DMD: variants seen among roughly 807,000 people sequenced by gnomAD.
DMD encodes mutant dystrophin.
Under a neutral mutation model 330.1 loss-of-function variants are expected in DMD, and 63 were observed. The ratio of observed to expected loss-of-function variants is 0.19; its 90% confidence interval spans 0.16 to 0.24. The LOEUF is 0.24. Among genes scored for constraint, DMD ranks in the 10% least tolerant of loss-of-function variants. The pLI is 1.00. For missense variants in DMD, 3,344 were observed against 2,684.1 expected (o/e 1.25, Z -5.43); for synonymous variants, 1,223 against 959.8 (o/e 1.27, Z -5.07).
At chrX:31,664,183 T>C (rs1415388232) in intron 53 of DMD, among the ~76,000 whole-genome samples, 2 of 111,199 alleles carry the variant, frequency 1.8e-5, no homozygotes, top group East Asian at 5.7e-4. Context: ...ACTTCACCAT[T>C]ACCTTAAGAC....
intron 1 of DMD, among the ~76,000 whole-genome samples, chrX:33,024,271 T>A (rs2093960880): frequency 8.9e-6 from 1 of 112,406 alleles, no homozygotes; most frequent in African/African-American, 3.2e-5. Flanking sequence ...GTTTAGTCAT[T>A]TCAAGCAGCA....
At position 32,614,335 on chromosome X, in the gene DMD, C is replaced by T. The variant is rs1175003732; in HGVS notation, c.1450G>A (p.Glu484Lys). 1 of 1,208,634 alleles carries T rather than the reference C, an allele frequency of 8.3e-7. No individual in the cohort carries two copies. Among genetic ancestry groups the T allele is most frequent in the African/African-American group, 1.7e-5 (1 of 57,351 alleles). ...TGTTGTACTTGGCGTTTTAGGTCTT[C>T]AAGATCAGGTCCAAGAGGCTCTTCC... ...MEEEPLGPDL[E>K]DLKRQVQQHK... Residue 484 changes from glutamate (E) to lysine (K), a missense_variant, in exon 12 of 79, where the codon GAA (glutamate) becomes AAA (lysine). Transcript: ENST00000357033.
chrX:32,464,579 A>C lies in DMD; in HGVS notation c.3276+7T>G. The C allele has an allele frequency of 8.6e-7, 1 of 1,156,893 alleles. No individual in the cohort carries two copies. The highest frequency in any genetic ancestry group is 1.2e-6 in the Non-Finnish European group (1 of 845,505). On this transcript the variant is annotated splice_region_variant and intron_variant, in intron 24 of 78. Transcript: ENST00000357033. ...TTCATATTAAAGGCATCATATAAAA[A>C]TCTTACTCTGCACTGTTTCAGCTGC...
intron 21 of DMD, among the ~76,000 whole-genome samples, chrX:32,474,057 A>G (rs965170693): frequency 1.4e-4 from 16 of 111,121 alleles, no homozygotes; most frequent in African/African-American, 4.3e-4. Context: ...TATCTCCCAC[A>G]TATCAGTGAG....
intron 17 of DMD, among the ~76,000 whole-genome samples, chrX:32,542,414 A>G (rs979097813): frequency 8.9e-6 from 1 of 112,016 alleles, no homozygotes; most frequent in African/African-American, 3.2e-5. Flanking sequence ...CCTGGGTGAC[A>G]GAGCAAGACA....
At chrX:31,185,290 T>C (rs1054650482) in intron 67 of DMD, among the ~76,000 whole-genome samples, 1 of 110,946 alleles carries the variant, frequency 9.0e-6, no homozygotes, top group Non-Finnish European at 1.9e-5. Context: ...CTCTTCTCCA[T>C]TCCCTCTCCA....
chrX:32,781,868 G>A lies in DMD; in HGVS notation c.649+27625C>T, dbSNP rs1414701189. Among the ~76,000 whole-genome samples the A allele has an allele frequency of 2.4e-4, 27 of 110,997 alleles. No individual in the cohort carries two copies. In the Admixed American group the frequency reaches 2.6e-3, roughly 11 times the overall value. On this transcript the variant is annotated intron_variant, in intron 7 of 78. Transcript: ENST00000357033. Reference sequence around the variant, plus strand: ...AAGAACATTTGAGTCACCTTTAAGAGACATAAATTACATGTTCACTCCACT... The same window carrying A: ...AAGAACATTTGAGTCACCTTTAAGAAACATAAATTACATGTTCACTCCACT...
chrX:32,994,909 C>T (rs76709151), intron 2 of DMD, among the ~76,000 whole-genome samples: 2,973 of 112,015 alleles, frequency 0.027, 73 homozygotes, highest in East Asian at 0.18. Flanking sequence ...GCTATGGAGT[C>T]TGAGACCAGC....
intron 47 of DMD, among the ~76,000 whole-genome samples, chrX:31,925,732 C>T (rs1013979869): frequency 9.1e-5 from 10 of 109,543 alleles, no homozygotes; most frequent in African/African-American, 1.7e-4. Flanking sequence ...ATTAGCCAGG[C>T]GTGGTGGTGC....
At chrX:32,855,523 A>C (rs1323527829) in intron 2 of DMD, among the ~76,000 whole-genome samples, 1 of 112,086 alleles carries the variant, frequency 8.9e-6, no homozygotes, top group Non-Finnish European at 1.9e-5. Context: ...ACCTAAAGTA[A>C]ACTCATTTTT....
intron 2 of DMD, among the ~76,000 whole-genome samples, chrX:32,940,161 C>T (rs182821024): frequency 3.3e-3 from 368 of 111,775 alleles, no homozygotes; most frequent in Non-Finnish European, 4.6e-3. Context: ...CATGGTATAA[C>T]GTTTCAGTTA....
chrX:33,203,275 T>A (rs2051383422), intron 1 of DMD, among the ~76,000 whole-genome samples: 1 of 112,165 alleles, frequency 8.9e-6, no homozygotes, highest in African/African-American at 3.2e-5. Flanking sequence ...ACTCAACAAT[T>A]CTGACTGAGC....
intron 2 of DMD, among the ~76,000 whole-genome samples, chrX:32,891,922 G>A (rs1260546920): frequency 3.6e-5 from 4 of 110,832 alleles, no homozygotes; most frequent in Admixed American, 9.6e-5. Flanking sequence ...CCATCCTCTC[G>A]CGTCATAGTT....
At chrX:31,733,538 C>T (rs1364168420) in intron 51 of DMD, among the ~76,000 whole-genome samples, 1 of 111,418 alleles carries the variant, frequency 9.0e-6, no homozygotes, top group Non-Finnish European at 1.9e-5. Flanking sequence ...TGAAATGTAA[C>T]AATGTAGAAC....
At position 32,693,278 on chromosome X, in the gene DMD, AC is replaced by A. The variant is rs1302983049; in HGVS notation, c.960+4591del. 3.6e-5 allele frequency among the ~76,000 whole-genome samples: 4 copies of A among 112,317 alleles called. No homozygotes were observed. The East Asian group carries it at 1.1e-3, about 31-fold the overall frequency. On this transcript the variant is annotated intron_variant, in intron 9 of 78. Coordinates refer to ENST00000357033, the MANE Select transcript of DMD (RefSeq NM_004006.3). ...GTTAGCTGAATGAGACCTGTTTTAA[AC>A]ATCTGAACTAAAGAACTGTAAAATA...
chrX:32,858,699 T>G (rs1284244868), intron 2 of DMD, among the ~76,000 whole-genome samples: 1 of 105,668 alleles, frequency 9.5e-6, no homozygotes, highest in Non-Finnish European at 2.0e-5. Context: ...TCTGATGTGG[T>G]TTTTTTTTTA....
At chrX:32,871,686 G>T (rs903489158) in intron 2 of DMD, among the ~76,000 whole-genome samples, 1 of 111,525 alleles carries the variant, frequency 9.0e-6, no homozygotes, top group Non-Finnish European at 1.9e-5. Context: ...ACTTCCAGCT[G>T]TTCAACTGGA....
At chrX:32,416,645 C>T (rs747341597) in intron 29 of DMD, among the ~76,000 whole-genome samples, 2 of 111,720 alleles carry the variant, frequency 1.8e-5, no homozygotes, top group South Asian at 7.5e-4. Context: ...CCTGACTGTC[C>T]GTACCTTGCA....
intron 76 of DMD, among the ~76,000 whole-genome samples, chrX:31,135,221 T>C (rs142944680): frequency 3.6e-5 from 4 of 112,075 alleles, no homozygotes; most frequent in East Asian, 5.6e-4. Context: ...AGAGTAAGAA[T>C]TGAACACTTT....
Sources: gnomAD v4.1 joint callset for allele counts (sites outside exome capture counted in the v4.1 genomes callset) on GRCh38, gnomAD v4.1.1 for gene constraint, MANE v1.5 for transcripts, NCBI Gene and HGNC (gene_info 2026-07-23, HGNC 2026-07-21) for gene names.